Variants in CSMD1 observed in about 807,000 individuals in gnomAD.
CSMD1 encodes CUB and Sushi multiple domains 1, also known as CUB and sushi domain-containing protein 1.
Under a neutral mutation model 417.5 loss-of-function variants are expected in CSMD1, and 213 were observed. That is an observed-to-expected ratio of 0.51 (90% confidence interval 0.46 to 0.57). CSMD1 has a LOEUF of 0.57. CSMD1 is among the 20% of genes least tolerant of loss of function. The probability of loss-of-function intolerance (pLI) is 0.00; values close to 1 mark genes in which losing one functional copy is unlikely to be tolerated. For synonymous variants in CSMD1, 2,862 were observed against 1,736.8 expected (o/e 1.65, Z -16.11); for missense variants, 6,923 against 4,529.7 (o/e 1.53, Z -15.17).
chr8:3,214,249 G>A (rs980692531), intron 30 of CSMD1, among the ~76,000 whole-genome samples: 4 of 152,064 alleles, frequency 2.6e-5, no homozygotes, highest in Admixed American at 1.3e-4. Flanking sequence ...AAAAACAGAA[G>A]TGAAAAATGT....
intron 5 of CSMD1, among the ~76,000 whole-genome samples, chr8:3,989,307 C>A (rs1280471900): frequency 6.6e-6 from 1 of 152,168 alleles, no homozygotes; most frequent in African/African-American, 2.4e-5. Flanking sequence ...CAGCCTAAGT[C>A]TCACTCAAAC....
chr8:4,275,430 T>C (rs1796429246), intron 3 of CSMD1, among the ~76,000 whole-genome samples: 2 of 152,126 alleles, frequency 1.3e-5, no homozygotes, highest in South Asian at 2.1e-4. Flanking sequence ...TTGATTTGTG[T>C]GCATGATACT....
chr8:4,361,814 G>C (rs1271501996), intron 3 of CSMD1, among the ~76,000 whole-genome samples: 1 of 152,008 alleles, frequency 6.6e-6, no homozygotes, highest in African/African-American at 2.4e-5. Context: ...AACTAGCCAG[G>C]CGTGGTGCGG....
intron 2 of CSMD1, among the ~76,000 whole-genome samples, chr8:4,626,767 C>A (rs556844741): frequency 3.3e-5 from 5 of 152,160 alleles, no homozygotes; most frequent in South Asian, 2.1e-4. Context: ...GCTTTATTCA[C>A]TTAGATCTGA....
intron 2 of CSMD1, among the ~76,000 whole-genome samples, chr8:4,444,610 G>C (rs534138089): frequency 6.6e-6 from 1 of 152,112 alleles, no homozygotes; most frequent in South Asian, 2.1e-4. Context: ...TCTGCACAAG[G>C]GATAGATGCC....
At chr8:4,476,134 T>C (rs1346685262) in intron 2 of CSMD1, among the ~76,000 whole-genome samples, 3 of 152,052 alleles carry the variant, frequency 2.0e-5, no homozygotes, top group African/African-American at 7.2e-5. Flanking sequence ...ACATTAACTA[T>C]TAAAAGTCTC....
intron 9 of CSMD1, among the ~76,000 whole-genome samples, chr8:3,577,313 C>A (rs1326836714): frequency 6.6e-6 from 1 of 152,142 alleles, no homozygotes; most frequent in Non-Finnish European, 1.5e-5. Flanking sequence ...CATTTTCAGG[C>A]CTATGAAGTA....
At chr8:4,354,669 A>T (rs183429526) in intron 3 of CSMD1, among the ~76,000 whole-genome samples, 1 of 152,076 alleles carries the variant, frequency 6.6e-6, no homozygotes. Context: ...AGAATTTAAA[A>T]TTTTTGTAAC....
chr8:3,285,559 G>C (rs991699880), intron 25 of CSMD1, among the ~76,000 whole-genome samples: 2 of 151,608 alleles, frequency 1.3e-5, no homozygotes, highest in Non-Finnish European at 2.9e-5. Flanking sequence ...GTTATTATTA[G>C]TATTATTATT....
chr8:3,545,841 T>C (rs755294389), intron 10 of CSMD1, among the ~76,000 whole-genome samples: 7 of 152,234 alleles, frequency 4.6e-5, no homozygotes, highest in Non-Finnish European at 7.3e-5. Flanking sequence ...GCAGAGTCTA[T>C]TGGCCACAAA....
intron 2 of CSMD1, among the ~76,000 whole-genome samples, chr8:4,609,766 T>C (rs945729858): frequency 6.6e-6 from 1 of 152,122 alleles, no homozygotes; most frequent in African/African-American, 2.4e-5. Context: ...GATGAAGTAC[T>C]GAAACAGGAA....
intron 2 of CSMD1, among the ~76,000 whole-genome samples, chr8:4,450,162 TATACGTAGAGTAAAACCGAACTGGGC>T (rs1382603898): frequency 5.3e-5 from 8 of 152,272 alleles, no homozygotes; most frequent in African/African-American, 1.9e-4. Flanking sequence ...AAATGGTTGA[TATACGTAGAGTAAAACCGAACTGGGC>T]AACAATTGAA....
intron 5 of CSMD1, among the ~76,000 whole-genome samples, chr8:3,983,991 A>G (rs1814112242): frequency 6.7e-6 from 1 of 150,106 alleles, no homozygotes; most frequent in South Asian, 2.1e-4. Flanking sequence ...GCTCTAGAGC[A>G]CAGGGCAGAT....
chr8:3,317,554 TTAAAAAA>T (rs1197562988), intron 23 of CSMD1, among the ~76,000 whole-genome samples: 2 of 152,218 alleles, frequency 1.3e-5, no homozygotes, highest in Admixed American at 6.5e-5. Context: ...GGGTGAATAG[TTAAAAAA>T]TAAAAAGCCC....
intron 5 of CSMD1, among the ~76,000 whole-genome samples, chr8:3,913,152 G>C (rs764807933): frequency 6.6e-6 from 1 of 152,146 alleles, no homozygotes. Context: ...AAGTATCCAT[G>C]TTACATCGAC....
intron 1 of CSMD1, among the ~76,000 whole-genome samples, chr8:4,782,715 T>C (rs969029841): frequency 1.4e-4 from 22 of 152,122 alleles, no homozygotes; most frequent in Non-Finnish European, 3.2e-4. Context: ...TCGCTTTAAT[T>C]TGAATCCAAA....
At chr8:4,525,239 C>T (rs1465544681) in intron 2 of CSMD1, among the ~76,000 whole-genome samples, 2 of 152,082 alleles carry the variant, frequency 1.3e-5, no homozygotes, top group East Asian at 3.9e-4. Context: ...TAGAGAAAAG[C>T]ATCATTCACT....
rs78830026 is a variant in CSMD1, at chr8:4,350,217, G to A, written c.415+69736C>T. ...GTACAATTGCAAGGCTCTGTCAAGC[G>A]TCCAGGCACCTGCCTGAAGCCTAAG... On this transcript the variant is annotated intron_variant, in intron 3 of 69. Transcript: ENST00000635120. 3.0e-3 allele frequency among the ~76,000 whole-genome samples: 454 copies of A among 152,126 alleles called. 4 individuals are homozygous for A. Among genetic ancestry groups the A allele is most frequent in the African/African-American group, 9.4e-3 (391 of 41,482 alleles).
intron 3 of CSMD1, among the ~76,000 whole-genome samples, chr8:4,104,731 G>A (rs1326427696): frequency 2.0e-5 from 3 of 152,216 alleles, no homozygotes; most frequent in Non-Finnish European, 4.4e-5. Context: ...AGAGGAACTA[G>A]GTCAGAGCCC....
Sources: gnomAD v4.1 joint callset for allele counts (sites outside exome capture counted in the v4.1 genomes callset) on GRCh38, gnomAD v4.1.1 for gene constraint, MANE v1.5 for transcripts, NCBI Gene and HGNC (gene_info 2026-07-23, HGNC 2026-07-21) for gene names.